Variants in MOXD1 observed in about 807,000 individuals in gnomAD.
The protein encoded by MOXD1 is monooxygenase DBH like 1.
A neutral mutation model predicts 66.6 loss-of-function variants in MOXD1; 62 were observed. The ratio of observed to expected loss-of-function variants is 0.93; its 90% CI spans 0.76 to 1.15. The LOEUF (loss-of-function observed/expected upper bound fraction) is 1.15. Among genes scored for constraint, MOXD1 ranks in the 50% most tolerant of loss-of-function variants. The probability of loss-of-function intolerance (pLI) is 0.00; values close to 1 mark genes in which losing one functional copy is unlikely to be tolerated. For synonymous variants in MOXD1, 303 were observed against 281.9 expected, an observed-to-expected ratio of 1.07 and a Z score of -0.75; for missense variants, 847 against 754.6, an observed-to-expected ratio of 1.12 and a Z score of -1.44.
chr6:132,366,940 T>C (rs1376436562), intron 4 of MOXD1, among the ~76,000 whole-genome samples: 2 of 152,098 alleles, frequency 1.3e-5, no homozygotes, highest in Non-Finnish European at 2.9e-5. Flanking sequence ...ATTTTCATGT[T>C]CTAGGAAACA....
At chr6:132,351,558 G>T (rs1390237202) in intron 4 of MOXD1, among the ~76,000 whole-genome samples, 1 of 152,068 alleles carries the variant, frequency 6.6e-6, no homozygotes, top group African/African-American at 2.4e-5. Flanking sequence ...TTTTATTAGG[G>T]ATTTTAGCAT....
chr6:132,387,024 T>C (rs3861470), intron 1 of MOXD1, among the ~76,000 whole-genome samples: 1 of 150,726 alleles, frequency 6.6e-6, no homozygotes, highest in African/African-American at 2.4e-5. Context: ...GCTGTTTTTT[T>C]TTCCTCAGGT....
intron 10 of MOXD1, among the ~76,000 whole-genome samples, chr6:132,310,797 G>A (rs1774810467): frequency 6.6e-6 from 1 of 152,118 alleles, no homozygotes; most frequent in African/African-American, 2.4e-5. Flanking sequence ...GTTGAACAAT[G>A]AGAACGCACG....
Position 132,335,050 on chromosome 6 carries a change from A to T in MOXD1, c.664-6456T>A, listed in dbSNP as rs184222057. Among the ~76,000 whole-genome samples, 328 of 152,246 alleles carry T rather than the reference A, an allele frequency of 2.2e-3. 2 individuals carry two copies. The highest frequency in any genetic ancestry group is 7.7e-3 in the African/African-American group (319 of 41,540). The stretch of plus-strand genomic sequence containing the variant: ...ATGTTTCAGAATTTGAGGCAAGAAA[A>T]TCTTAGGGGAAATGTATATTTCCCT... On this transcript the variant is annotated intron_variant, in intron 4 of 11. Coordinates refer to ENST00000367963, the MANE Select transcript of MOXD1 (RefSeq NM_015529.4).
At chr6:132,400,826 T>A (rs528341218) in intron 1 of MOXD1, among the ~76,000 whole-genome samples, 1 of 152,286 alleles carries the variant, frequency 6.6e-6, no homozygotes, top group South Asian at 2.1e-4. Context: ...AGCCAAAGCC[T>A]AGGTCCTTCT....
chr6:132,340,412 A>T (rs568560195), intron 4 of MOXD1, among the ~76,000 whole-genome samples: 1 of 151,136 alleles, frequency 6.6e-6, no homozygotes, highest in South Asian at 2.1e-4. Flanking sequence ...TTGCTCTGAG[A>T]AATGAGCACT....
chr6:132,300,935 C>G (rs956215469), intron 10 of MOXD1, among the ~76,000 whole-genome samples: 11 of 152,170 alleles, frequency 7.2e-5, no homozygotes, highest in Admixed American at 1.3e-4. Flanking sequence ...CATCTCTAAC[C>G]TTTCTAGCCT....
chr6:132,312,562 G>A (rs1329208365), intron 10 of MOXD1, among the ~76,000 whole-genome samples: 3 of 151,242 alleles, frequency 2.0e-5, no homozygotes, highest in Non-Finnish European at 4.4e-5. Flanking sequence ...TATTTTTGAG[G>A]AATAAATTTA....
chr6:132,336,255 CACCCAGCTTTACAT>C (rs1346142512), intron 4 of MOXD1, among the ~76,000 whole-genome samples: 1 of 152,210 alleles, frequency 6.6e-6, no homozygotes, highest in East Asian at 1.9e-4. Context: ...TTGTTCCTGG[CACCCAGCTTTACAT>C]ACCCACCTGA....
chr6:132,325,871 A>C (rs1433178904), intron 6 of MOXD1, among the ~76,000 whole-genome samples: 2 of 152,210 alleles, frequency 1.3e-5, no homozygotes, highest in Admixed American at 6.5e-5. Context: ...GGTTTCAATC[A>C]ATTGTTAAAC....
In MOXD1 at chr6:132,296,381, C is replaced by CA. The variant is rs1774399434; in HGVS notation, c.*771dup. The CA allele has an allele frequency of 6.6e-6, 1 of 152,212 alleles. No individual in the cohort carries two copies. Among genetic ancestry groups the CA allele is most frequent in the Non-Finnish European group, 1.5e-5 (1 of 68,110 alleles). 9.4% of individuals were successfully genotyped at this position (152,212 alleles called of 1,614,324 possible). A position where few individuals can be genotyped will look rare whatever the true frequency, so the allele number is the denominator to read the frequency against. On this transcript the variant is annotated 3_prime_UTR_variant, in exon 12 of 12. Coordinates refer to ENST00000367963, the MANE Select transcript of MOXD1 (RefSeq NM_015529.4). ...AAGTCACCTCACAGCACTGGGTTTG[C>CA]AGCCAGCTACATTTTTTCTCCTCAG...
In MOXD1 at chr6:132,391,994, T is replaced by TG. The variant is rs1199518953; in HGVS notation, c.264+9168dup. On this transcript the variant is annotated intron_variant, in intron 1 of 11. Coordinates refer to ENST00000367963, the MANE Select transcript of MOXD1 (RefSeq NM_015529.4). ...AGAAGTCTCTTCGTTGCCTGGAAAT[T>TG]GGGGGGCATAATCTGAAGACTTATA... 9 of 552,368 alleles carry TG rather than the reference T, an allele frequency of 1.6e-5. No individual in the cohort carries two copies. In the South Asian group the frequency reaches 2.1e-4, roughly 13 times the overall value. The allele number at this position is 552,368 out of a possible 1,614,324, so 34.2% of individuals were successfully genotyped here.
intron 4 of MOXD1, among the ~76,000 whole-genome samples, chr6:132,371,365 G>A (rs981162574): frequency 6.6e-6 from 1 of 152,046 alleles, no homozygotes; most frequent in African/African-American, 2.4e-5. Flanking sequence ...TCTCCTGTTT[G>A]CAAAAATAAC....
At chr6:132,359,574 C>T (rs1353890305) in intron 4 of MOXD1, among the ~76,000 whole-genome samples, 2 of 151,246 alleles carry the variant, frequency 1.3e-5, no homozygotes, top group African/African-American at 4.9e-5. Flanking sequence ...GCAAGCTCCG[C>T]CTCCCGGGTT....
chr6:132,373,589 A>T (rs1776313512), intron 2 of MOXD1, among the ~76,000 whole-genome samples: 1 of 152,164 alleles, frequency 6.6e-6, no homozygotes, highest in Non-Finnish European at 1.5e-5. Flanking sequence ...GAATCCTGGG[A>T]ATTTCCTAGG....
intron 1 of MOXD1, among the ~76,000 whole-genome samples, chr6:132,384,270 CT>C (rs767317720): frequency 0.12 from 15,128 of 129,348 alleles, 1,042 homozygotes; most frequent in East Asian, 0.3. Flanking sequence ...TCCTTCCTTC[CT>C]TCCTTCCTTC....
At chr6:132,363,233 AAC>A (rs1359437469) in intron 4 of MOXD1, among the ~76,000 whole-genome samples, 1 of 134,054 alleles carries the variant, frequency 7.5e-6, no homozygotes, top group Non-Finnish European at 1.6e-5. Context: ...AAAAAAAAAA[AAC>A]CAAAGAGACT....
chr6:132,320,203 G>A (rs1264998342), intron 9 of MOXD1, among the ~76,000 whole-genome samples: 1 of 152,114 alleles, frequency 6.6e-6, no homozygotes, highest in Non-Finnish European at 1.5e-5. Context: ...AATGCTTGGT[G>A]GAATTCCCCC....
intron 4 of MOXD1, among the ~76,000 whole-genome samples, chr6:132,341,611 T>C (rs189777277): frequency 7.9e-5 from 12 of 152,202 alleles, no homozygotes; most frequent in African/African-American, 2.7e-4. Flanking sequence ...TCACTGTCAT[T>C]AGCTGCATGT....
Sources: gnomAD v4.1 joint callset for allele counts (sites outside exome capture counted in the v4.1 genomes callset) on GRCh38, gnomAD v4.1.1 for gene constraint, MANE v1.5 for transcripts, NCBI Gene and HGNC (gene_info 2026-07-23, HGNC 2026-07-21) for gene names.